The following RERE variants were observed in gnomAD, a reference collection of about 807,000 sequenced individuals.
RERE encodes arginine-glutamic acid dipeptide repeats protein.
A neutral mutation model predicts 146.1 loss-of-function variants in RERE; 40 were observed. The ratio of observed to expected loss-of-function variants is 0.27; its 90% CI spans 0.21 to 0.36. The LOEUF (loss-of-function observed/expected upper bound fraction) is 0.36. Among genes scored for constraint, RERE ranks in the 10% least tolerant of loss-of-function variants. The pLI is 1.00. For missense variants in RERE, 1,933 were observed against 2,138.7 expected (o/e 0.90, Z 1.90); for synonymous variants, 1,003 against 866.0 (o/e 1.16, Z -2.78).
At chr1:8,660,475 G>C (rs532535058) in intron 1 of RERE, among the ~76,000 whole-genome samples, 2 of 152,320 alleles carry the variant, frequency 1.3e-5, no homozygotes, top group African/African-American at 4.8e-5. Context: ...AAGTGAACTG[G>C]ACAGAAGTTG....
At chr1:8,464,086 G>A (rs1202466940) in intron 11 of RERE, among the ~76,000 whole-genome samples, 1 of 152,186 alleles carries the variant, frequency 6.6e-6, no homozygotes, top group African/African-American at 2.4e-5. Context: ...ATTTAACGTT[G>A]TCTAAACATT....
chr1:8,786,584 T>C (rs1484921231), intron 1 of RERE: 3 of 769,562 alleles, frequency 3.9e-6, no homozygotes, highest in Non-Finnish European at 7.1e-6. Flanking sequence ...AAGGTTCCAC[T>C]GAAGATTTGA....
At chr1:8,788,108 A>G (rs1299519178) in intron 1 of RERE, among the ~76,000 whole-genome samples, 1 of 152,050 alleles carries the variant, frequency 6.6e-6, no homozygotes, top group East Asian at 1.9e-4. Context: ...AAAAAAATAA[A>G]AGCATTAAAA....
intron 12 of RERE, among the ~76,000 whole-genome samples, chr1:8,394,664 A>C (rs1259321654): frequency 6.6e-6 from 1 of 152,224 alleles, no homozygotes; most frequent in Non-Finnish European, 1.5e-5. Context: ...AGCAACAAAA[A>C]AGTGACAAAT....
chr1:8,544,049 T>C (rs1163916323), intron 6 of RERE, among the ~76,000 whole-genome samples: 1 of 152,230 alleles, frequency 6.6e-6, no homozygotes, highest in Non-Finnish European at 1.5e-5. Flanking sequence ...GTCTCTCATG[T>C]GTTCCTATTA....
chr1:8,386,015 TATATA>T (rs1377371754), intron 12 of RERE, among the ~76,000 whole-genome samples: 21 of 41,214 alleles, frequency 5.1e-4, no homozygotes, highest in Admixed American at 1.2e-3. Flanking sequence ...TATATATATA[TATATA>T]TATTTTTTTT....
intron 4 of RERE, among the ~76,000 whole-genome samples, chr1:8,610,328 C>T (rs745372708): frequency 6.6e-5 from 10 of 152,056 alleles, no homozygotes; most frequent in East Asian, 1.9e-4. Context: ...CAGTGGCTCA[C>T]GCCTGTAATC....
chr1:8,683,943 A>AAATCAATC (rs952537988), intron 1 of RERE, among the ~76,000 whole-genome samples: 1 of 152,294 alleles, frequency 6.6e-6, no homozygotes, highest in Admixed American at 6.5e-5. Flanking sequence ...ACTCCATCTC[A>AAATCAATC]AATCAATCAA....
At chr1:8,415,475 C>G (rs1255904177) in intron 12 of RERE, among the ~76,000 whole-genome samples, 1 of 152,168 alleles carries the variant, frequency 6.6e-6, no homozygotes, top group Admixed American at 6.5e-5. Flanking sequence ...AGTGCAGTTT[C>G]TATAAGTAAT....
chr1:8,692,322 C>A (rs1277114656), intron 1 of RERE, among the ~76,000 whole-genome samples: 2 of 150,598 alleles, frequency 1.3e-5, no homozygotes. Context: ...CTGCATATAA[C>A]CTACTCACAT....
chr1:8,478,304 T>C (rs1383499387), intron 10 of RERE, among the ~76,000 whole-genome samples: 1 of 152,200 alleles, frequency 6.6e-6, no homozygotes, highest in African/African-American at 2.4e-5. Flanking sequence ...AAAGGTGGAC[T>C]TGACTTGAGA....
chr1:8,460,088 G>A (rs916299486), intron 11 of RERE, among the ~76,000 whole-genome samples: 6 of 152,094 alleles, frequency 3.9e-5, no homozygotes, highest in African/African-American at 1.4e-4. Context: ...ACAACCTCCT[G>A]CTGCTATTGG....
chr1:8,718,382 C>A (rs1421120734), intron 1 of RERE, among the ~76,000 whole-genome samples: 1 of 152,164 alleles, frequency 6.6e-6, no homozygotes. Flanking sequence ...CGTTTCTACA[C>A]CAAAGAGCGG....
rs762927523 is a variant in RERE, at chr1:8,361,785, C to T, written c.1994G>A (p.Ser665Asn). Residue 665 changes from serine to asparagine, a missense_variant, in exon 17 of 23, where the codon AGC (serine) becomes AAC (asparagine). Physicochemically the swap from Ser to Asn is conservative, Grantham distance 46. Around this residue, in one of 11 missense-constraint regions of RERE, gnomAD observed 1,255 missense variants for 1,153.8 expected, o/e 1.09. Transcript: ENST00000400908. ...ASDTEEADRT[S>N]SKKTKTQEIS... ...CACCTGCGTTTTTGTCTTCTTGGAGCTGGTCCTGTCAGCCTCCTCCGTATC... is the reference window on the plus strand; with the variant it reads ...CACCTGCGTTTTTGTCTTCTTGGAGTTGGTCCTGTCAGCCTCCTCCGTATC... The T allele has an allele frequency of 8.1e-6, 13 of 1,613,678 alleles. No homozygotes were observed. Among genetic ancestry groups the T allele is most frequent in the Non-Finnish European group, 1.1e-5 (13 of 1,179,668 alleles).
intron 1 of RERE, among the ~76,000 whole-genome samples, chr1:8,673,720 T>C (rs1386565260): frequency 6.6e-6 from 1 of 152,246 alleles, no homozygotes; most frequent in Non-Finnish European, 1.5e-5. Context: ...ATCATGTTTC[T>C]GTAAAAAATG....
chr1:8,648,076 G>T (rs771613094), intron 2 of RERE, among the ~76,000 whole-genome samples: 1 of 152,122 alleles, frequency 6.6e-6, no homozygotes, highest in Admixed American at 6.5e-5. Flanking sequence ...AGAACCTGGG[G>T]GTCCCCTTAA....
intron 7 of RERE, among the ~76,000 whole-genome samples, chr1:8,536,863 A>C (rs1441945267): frequency 1.3e-5 from 2 of 152,200 alleles, no homozygotes; most frequent in African/African-American, 4.8e-5. Flanking sequence ...AGTAGTTTGT[A>C]TTCTACTTGG....
chr1:8,400,934 C>T (rs1373696326), intron 12 of RERE, among the ~76,000 whole-genome samples: 1 of 142,282 alleles, frequency 7.0e-6, no homozygotes, highest in Non-Finnish European at 1.5e-5. Context: ...GGGAGCATCA[C>T]TGGAGCCCAG....
intron 10 of RERE, among the ~76,000 whole-genome samples, chr1:8,466,554 G>T (rs2124129099): frequency 6.6e-6 from 1 of 152,192 alleles, no homozygotes; most frequent in Middle Eastern, 3.4e-3. Context: ...CCGCAAAGCA[G>T]CGTAAAGTCA....
Sources: allele counts gnomAD v4.1 joint callset (sites outside exome capture counted in the v4.1 genomes callset), GRCh38; gene constraint gnomAD v4.1.1; regional missense constraint gnomAD v4.1.1; transcripts MANE v1.5; gene names NCBI Gene and HGNC (gene_info 2026-07-23, HGNC 2026-07-21).